The following DMD variants were observed in gnomAD, a reference collection of about 807,000 sequenced individuals.
The protein encoded by DMD is mutant dystrophin.
Under a neutral mutation model 330.1 loss-of-function variants are expected in DMD, and 63 were observed. The observed-to-expected ratio is 0.19, with a 90% CI of 0.16 to 0.24. The LOEUF is 0.24. Ranked by LOEUF, DMD falls within the 10% of genes least tolerant of loss-of-function variation. The pLI is 1.00. For missense variants in DMD, 3,344 were observed against 2,684.1 expected (o/e 1.25, Z -5.43); for synonymous variants, 1,223 against 959.8 (o/e 1.27, Z -5.07).
At chrX:32,751,870 G>C (rs1336568400) in intron 7 of DMD, among the ~76,000 whole-genome samples, 1 of 112,838 alleles carries the variant, frequency 8.9e-6, no homozygotes, top group Non-Finnish European at 1.9e-5. Context: ...GGTACAGCTT[G>C]GGCTGTTACT....
At chrX:32,915,391 G>A (rs5971671) in intron 2 of DMD, among the ~76,000 whole-genome samples, 21,754 of 111,136 alleles carry the variant, frequency 0.2, 1,915 homozygotes, top group African/African-American at 0.34. Flanking sequence ...ATTTTTAGGC[G>A]ACCGCTTACA....
At chrX:32,336,831 G>T (rs1017127344) in intron 41 of DMD, among the ~76,000 whole-genome samples, 2 of 111,811 alleles carry the variant, frequency 1.8e-5, no homozygotes, top group African/African-American at 6.5e-5. Context: ...AAATGAAATT[G>T]GTTGTGTTTA....
At chrX:31,279,547 C>G (rs1257867802) in intron 62 of DMD, among the ~76,000 whole-genome samples, 1 of 111,732 alleles carries the variant, frequency 8.9e-6, no homozygotes, top group Non-Finnish European at 1.9e-5. Flanking sequence ...AAGCAGAAAC[C>G]TGAGAAGTTT....
rs113388303 is a variant in DMD at position 32,853,457 on chromosome X, G to T, written c.94-3637C>A. On this transcript the variant is annotated intron_variant, in intron 2 of 78. Transcript: ENST00000357033. ...AAACAACAAAAAGATTAAAAGAGAC[G>T]AAGTTTGAGTTTTTAATTAGTTTTC... 3.1e-4 allele frequency among the ~76,000 whole-genome samples: 35 copies of T among 111,636 alleles called. No individual in the cohort carries two copies. In the East Asian group the frequency reaches 9.8e-3, roughly 31 times the overall value.
intron 47 of DMD, among the ~76,000 whole-genome samples, chrX:31,896,955 G>T (rs187385295): frequency 9.2e-6 from 1 of 108,604 alleles, no homozygotes; most frequent in African/African-American, 3.4e-5. Flanking sequence ...AAGTTTTAGG[G>T]TACATGTGCA....
At chrX:32,841,618 A>C (rs1370069978) in intron 4 of DMD, among the ~76,000 whole-genome samples, 1 of 112,128 alleles carries the variant, frequency 8.9e-6, no homozygotes, top group Non-Finnish European at 1.9e-5. Context: ...TTTTTAATAA[A>C]TGGTGTGTTA....
intron 16 of DMD, among the ~76,000 whole-genome samples, chrX:32,545,564 C>T (rs770035175): frequency 2.7e-4 from 30 of 111,511 alleles, no homozygotes; most frequent in African/African-American, 9.4e-4. Context: ...CAATTTAGCG[C>T]CCCTTCAATA....
chrX:32,511,524 G>GA (rs67754841), intron 18 of DMD, among the ~76,000 whole-genome samples: 1,250 of 49,508 alleles, frequency 0.025, 16 homozygotes, highest in Non-Finnish European at 0.037. Context: ...TCCGTCTCGG[G>GA]AAAAAAAAAA....
chrX:31,764,887 A>T (rs2089887281), intron 51 of DMD, among the ~76,000 whole-genome samples: 1 of 112,053 alleles, frequency 8.9e-6, no homozygotes, highest in South Asian at 3.6e-4. Flanking sequence ...CAGAATATAA[A>T]ATATAAAGGT....
chrX:31,529,660 C>T (rs28590295), intron 55 of DMD, among the ~76,000 whole-genome samples: 11,130 of 111,481 alleles, frequency 0.1, 539 homozygotes, highest in Admixed American at 0.2. Flanking sequence ...ATTCAGGGAA[C>T]GGAAAGCAGA....
chrX:31,174,933 T>A (rs747969168), intron 71 of DMD, among the ~76,000 whole-genome samples: 1 of 111,459 alleles, frequency 9.0e-6, no homozygotes, highest in East Asian at 2.8e-4. Flanking sequence ...AAATGAGTTA[T>A]AAAGACGTTT....
intron 15 of DMD, among the ~76,000 whole-genome samples, chrX:32,573,036 T>C (rs2052605713): frequency 9.0e-6 from 1 of 111,685 alleles, no homozygotes; most frequent in South Asian, 3.8e-4. Flanking sequence ...GCTGGTGTCA[T>C]GCTTCTTGTA....
At chrX:31,685,131 A>G (rs1294623882) in intron 52 of DMD, among the ~76,000 whole-genome samples, 2 of 112,005 alleles carry the variant, frequency 1.8e-5, no homozygotes, top group Admixed American at 9.5e-5. Flanking sequence ...TCCAAAGCCC[A>G]TAGAACCAAA....
At chrX:32,452,328 T>TGAAAGGGAAAGGGAAAGGGAAAGG (rs1446371151) in intron 26 of DMD, among the ~76,000 whole-genome samples, 2 of 13,886 alleles carry the variant, frequency 1.4e-4, no homozygotes, top group Admixed American at 1.2e-3. Flanking sequence ...AAAGTGAAAG[T>TGAAAGGGAAAGGGAAAGGGAAAGG]GAAAGTGAAA....
At chrX:31,568,104 A>G (rs1237887748) in intron 55 of DMD, among the ~76,000 whole-genome samples, 3 of 111,255 alleles carry the variant, frequency 2.7e-5, no homozygotes, top group Non-Finnish European at 3.8e-5. Context: ...TCTTTCTCTT[A>G]TTGATTTCTA....
chrX:31,982,966 T>C lies in DMD; in HGVS notation c.6439-14452A>G, dbSNP rs1192391002. Among the ~76,000 whole-genome samples the C allele has an allele frequency of 1.9e-5, 2 of 106,693 alleles. 1 individual carries two copies. The highest frequency in any genetic ancestry group is 3.9e-5 in the Non-Finnish European group (2 of 50,989). 92.7% of individuals were successfully genotyped at this position (106,693 alleles called of 115,157 possible). On this transcript the variant is annotated intron_variant, in intron 44 of 78. Transcript: ENST00000357033. Reference sequence around the variant, plus strand: ...TCCTCTAATATAATTTCAGAGCTTTTGTTAATGGTATTTTTCTACATACTA... The same window carrying C: ...TCCTCTAATATAATTTCAGAGCTTTCGTTAATGGTATTTTTCTACATACTA...
intron 47 of DMD, among the ~76,000 whole-genome samples, chrX:31,908,303 T>G (rs2094503001): frequency 1.8e-5 from 2 of 111,625 alleles, no homozygotes; most frequent in Non-Finnish European, 3.8e-5. Context: ...TAGCAAAGAC[T>G]TGGAACCAAC....
rs769301614 is a variant in DMD at position 31,302,571 on chromosome X, T to TGTA, written c.9224+21024_9224+21026dup. On this transcript the variant is annotated intron_variant, in intron 62 of 78. Transcript: ENST00000357033. The stretch of plus-strand genomic sequence containing the variant: ...GAAAAATACCTTAGATGGGCTCATC[T>TGTA]GTAGATTCAACAAAGACAAGGAAAG... Among the ~76,000 whole-genome samples, 301 of 110,898 alleles carry TGTA rather than the reference T, an allele frequency of 2.7e-3. 1 individual carries two copies. Among genetic ancestry groups the TGTA allele is most frequent in the Admixed American group, 4.2e-3 (43 of 10,360 alleles).
intron 1 of DMD, among the ~76,000 whole-genome samples, chrX:33,221,192 ATT>A (rs2052167931): frequency 9.0e-6 from 1 of 111,352 alleles, no homozygotes; most frequent in African/African-American, 3.3e-5. Flanking sequence ...TTAGGGCCAG[ATT>A]TTCTGCATTA....
Sources: allele counts gnomAD v4.1 joint callset (sites outside exome capture counted in the v4.1 genomes callset), GRCh38; gene constraint gnomAD v4.1.1; transcripts MANE v1.5; gene names NCBI Gene and HGNC (gene_info 2026-07-23, HGNC 2026-07-21).